The following MACROD2 variants were observed in gnomAD, a reference collection of about 807,000 sequenced individuals.
The protein encoded by MACROD2 is ADP-ribose glycohydrolase MACROD2.
A neutral mutation model predicts 70.4 loss-of-function variants in MACROD2; 36 were observed. The ratio of observed to expected loss-of-function variants is 0.51; its 90% CI spans 0.39 to 0.68. MACROD2 has a LOEUF of 0.68. Ranked by LOEUF, MACROD2 falls within the 30% of genes least tolerant of loss-of-function variation. The pLI, the probability that MACROD2 is intolerant of heterozygous loss-of-function variation, is 0.00. For missense variants in MACROD2, 496 were observed against 538.4 expected (o/e 0.92, Z 0.78); for synonymous variants, 172 against 178.8 (o/e 0.96, Z 0.30).
chr20:15,817,538 G>A (rs147260349), intron 8 of MACROD2, among the ~76,000 whole-genome samples: 127 of 152,244 alleles, frequency 8.3e-4, no homozygotes, highest in Non-Finnish European at 1.6e-3. Flanking sequence ...TGCCCAAAAT[G>A]AAATCCAAGC....
At chr20:14,460,675 T>C (rs1331924477) in intron 3 of MACROD2, among the ~76,000 whole-genome samples, 2 of 152,152 alleles carry the variant, frequency 1.3e-5, no homozygotes, top group African/African-American at 2.4e-5. Flanking sequence ...TCTGTTGAGA[T>C]AATCATGTGG....
intron 9 of MACROD2, among the ~76,000 whole-genome samples, chr20:15,873,390 A>G (rs2064614461): frequency 6.6e-6 from 1 of 152,174 alleles, no homozygotes; most frequent in Non-Finnish European, 1.5e-5. Context: ...TTATACATGA[A>G]AAAAAGGTAA....
chr20:15,835,098 C>G (rs1465310966), intron 8 of MACROD2, among the ~76,000 whole-genome samples: 1 of 152,174 alleles, frequency 6.6e-6, no homozygotes, highest in South Asian at 2.1e-4. Flanking sequence ...TGCCAATAGC[C>G]AGCATCAAAT....
rs112047535 is a variant in MACROD2, at chr20:15,505,628, C to T, written c.645+5781C>T. ...AAGGGAATTCCCTAATATCCTCCCTCCTATCTATACTGCTCTCCTCCCTAG... is the reference window on the plus strand; with the variant it reads ...AAGGGAATTCCCTAATATCCTCCCTTCTATCTATACTGCTCTCCTCCCTAG... On this transcript the variant is annotated intron_variant, in intron 8 of 17. Transcript: ENST00000684519. 7.3e-3 allele frequency among the ~76,000 whole-genome samples: 1,117 copies of T among 152,298 alleles called. 9 individuals carry two copies. Among genetic ancestry groups the T allele is most frequent in the Non-Finnish European group, 0.012 (838 of 68,026 alleles).
chr20:15,585,412 G>A lies in MACROD2; in HGVS notation c.645+85565G>A, dbSNP rs574084027. The stretch of plus-strand genomic sequence containing the variant: ...AGGATTTTACCATGCTGCCCAGGCT[G>A]GTCTCGAGCTCCTGACCTCGTGATC... On this transcript the variant is annotated intron_variant, in intron 8 of 17. Transcript: ENST00000684519. 6.6e-5 allele frequency among the ~76,000 whole-genome samples: 10 copies of A among 152,152 alleles called. No homozygotes were observed. The South Asian group carries it at 1.9e-3, about 28-fold the overall frequency.
chr20:15,383,229 G>GAATAATCCC (rs1293755348), intron 6 of MACROD2, among the ~76,000 whole-genome samples: 1 of 152,210 alleles, frequency 6.6e-6, no homozygotes, highest in East Asian at 1.9e-4. Context: ...ATATTTTCCA[G>GAATAATCCC]AATAATCCCC....
At chr20:14,416,516 A>G (rs2083807163) in intron 3 of MACROD2, among the ~76,000 whole-genome samples, 1 of 152,212 alleles carries the variant, frequency 6.6e-6, no homozygotes, top group African/African-American at 2.4e-5. Context: ...GAACATTATG[A>G]AAATAAGGGA....
At chr20:15,303,119 G>A (rs1335676552) in intron 6 of MACROD2, among the ~76,000 whole-genome samples, 1 of 152,012 alleles carries the variant, frequency 6.6e-6, no homozygotes, top group Non-Finnish European at 1.5e-5. Flanking sequence ...CTTTAAACAT[G>A]TATCTATAAG....
intron 5 of MACROD2, among the ~76,000 whole-genome samples, chr20:15,090,374 G>C (rs2075784070): frequency 6.6e-6 from 1 of 151,980 alleles, no homozygotes; most frequent in Admixed American, 6.6e-5. Context: ...CCCAAAGATG[G>C]TGATCATTTT....
In MACROD2 at chr20:14,858,573, T is replaced by C. The variant is rs566572898; in HGVS notation, c.418+173614T>C. Among the ~76,000 whole-genome samples the C allele has an allele frequency of 2.0e-5, 3 of 152,258 alleles. No homozygotes were observed. In the East Asian group the frequency reaches 5.8e-4, roughly 29 times the overall value. On this transcript the variant is annotated intron_variant, in intron 5 of 17. Transcript: ENST00000684519. ...AGGGTGGTGTAGGAGATCAAATAAA[T>C]TATCCTTTAACATCCAGACTATAAG...
At chr20:15,998,364 C>G (rs1201395433) in intron 15 of MACROD2, among the ~76,000 whole-genome samples, 1 of 152,082 alleles carries the variant, frequency 6.6e-6, no homozygotes, top group African/African-American at 2.4e-5. Flanking sequence ...TTACTCATTA[C>G]TAGTCTATTC....
At position 15,969,356 on chromosome 20, in the gene MACROD2, A is replaced by G. The variant is rs74356345; in HGVS notation, c.985+1726A>G. Among the ~76,000 whole-genome samples, 1,145 of 152,328 alleles carry G rather than the reference A, an allele frequency of 7.5e-3. 43 individuals carry two copies. The East Asian group carries it at 0.11, about 14-fold the overall frequency. On this transcript the variant is annotated intron_variant, in intron 13 of 17. Coordinates refer to ENST00000684519, the MANE Select transcript of MACROD2 (RefSeq NM_001351661.2). ...TGAGGGAAAAAAGGTAACATGAAAA[A>G]CAAAACAATAAGGCAAGAGAAGTTC...
At chr20:14,488,483 T>G (rs1465402152) in intron 3 of MACROD2, among the ~76,000 whole-genome samples, 1 of 152,224 alleles carries the variant, frequency 6.6e-6, no homozygotes, top group Non-Finnish European at 1.5e-5. Context: ...TAGTTCACCC[T>G]TTAACAATTA....
intron 5 of MACROD2, among the ~76,000 whole-genome samples, chr20:14,794,048 A>C (rs572229884): frequency 2.1e-4 from 32 of 152,148 alleles, no homozygotes; most frequent in African/African-American, 7.5e-4. Context: ...CAGAGCCAGG[A>C]ATAGAAAGGG....
At position 15,021,265 on chromosome 20, in the gene MACROD2, T is replaced by TGTGTATACACACAC. The variant is rs1386024417; in HGVS notation, c.419-208671_419-208670insATACACACACGTGT. ...CTGTGTGTATGTATACACACACCTG[T>TGTGTATACACACAC]GTGTGTGTATACGCACACCTGTGTG... On this transcript the variant is annotated intron_variant, in intron 5 of 17. Transcript: ENST00000684519. Among the ~76,000 whole-genome samples the TGTGTATACACACAC allele has an allele frequency of 8.9e-4, 7 of 7,896 alleles. 1 individual carries two copies. The East Asian group carries it at 0.022, about 24-fold the overall frequency. 5.2% of individuals were successfully genotyped at this position (7,896 alleles called of 152,430 possible).
chr20:14,457,557 CAT>C (rs2123005139), intron 3 of MACROD2, among the ~76,000 whole-genome samples: 1 of 152,258 alleles, frequency 6.6e-6, no homozygotes. Context: ...CAAAAATTCA[CAT>C]GTGTACACAC....
At chr20:14,223,844 A>C (rs1333938715) in intron 3 of MACROD2, among the ~76,000 whole-genome samples, 1 of 152,130 alleles carries the variant, frequency 6.6e-6, no homozygotes, top group Non-Finnish European at 1.5e-5. Context: ...TTCTCCAGAG[A>C]AACAGAGCTA....
intron 2 of MACROD2, among the ~76,000 whole-genome samples, chr20:14,066,212 G>T (rs2148658427): frequency 6.6e-6 from 1 of 152,242 alleles, no homozygotes; most frequent in South Asian, 2.1e-4. Context: ...TCCATTATTT[G>T]TGCTTTATTA....
intron 15 of MACROD2, among the ~76,000 whole-genome samples, chr20:16,035,279 G>A (rs371892876): frequency 8.7e-5 from 13 of 149,736 alleles, no homozygotes; most frequent in Admixed American, 4.0e-4. Flanking sequence ...TTGGTTCCAC[G>A]ATTTTGCAGT....
Sources: allele counts gnomAD v4.1 joint callset (sites outside exome capture counted in the v4.1 genomes callset), GRCh38; gene constraint gnomAD v4.1.1; transcripts MANE v1.5; gene names NCBI Gene and HGNC (gene_info 2026-07-23, HGNC 2026-07-21).